The following BRAP variants were observed in gnomAD, a reference collection of about 807,000 sequenced individuals.
The protein encoded by BRAP is BRCA1-associated protein.
Under a neutral mutation model 73.4 loss-of-function variants are expected in BRAP, and 42 were observed. The observed-to-expected ratio is 0.57, with a 90% CI of 0.45 to 0.74. The LOEUF (loss-of-function observed/expected upper bound fraction) is 0.74, where lower values mean the gene tolerates loss of function less well. Ranked by LOEUF, BRAP falls within the 30% of genes least tolerant of loss-of-function variation. The pLI is 0.00. For synonymous variants in BRAP, 255 were observed against 267.4 expected, an observed-to-expected ratio of 0.95 and a Z score of 0.45; for missense variants, 593 against 751.4, an observed-to-expected ratio of 0.79 and a Z score of 2.46.
chr12:111,677,231 C>T (rs987091298), intron 4 of BRAP, among the ~76,000 whole-genome samples: 3 of 152,180 alleles, frequency 2.0e-5, no homozygotes, highest in Non-Finnish European at 4.4e-5. Context: ...TTTCAAAAGC[C>T]TGAGTGCTCT....
chr12:111,654,248 T>C (rs1454674113), intron 10 of BRAP, among the ~76,000 whole-genome samples: 1 of 152,206 alleles, frequency 6.6e-6, no homozygotes, highest in Non-Finnish European at 1.5e-5. Context: ...GAAGGGCACA[T>C]GCATTGATTA....
In BRAP at chr12:111,642,345, A is replaced by G. The variant is rs1396835287; in HGVS notation, c.*1854T>C. On this transcript the variant is annotated 3_prime_UTR_variant, in exon 12 of 12. Coordinates refer to ENST00000419234, the MANE Select transcript of BRAP (RefSeq NM_006768.5). ...GTAAGATTTTTTTTTTTTCTGGGAC[A>G]TATTTTTTGTAAACCTCCAAGTAGT... 6.7e-6 allele frequency: 1 copy of G among 150,274 alleles called. No individual in the cohort carries two copies. Among genetic ancestry groups the G allele is most frequent in the Non-Finnish European group, 1.5e-5 (1 of 67,662 alleles). The allele number at this position is 150,274 out of a possible 1,614,324, so 9.3% of individuals were successfully genotyped here.
intron 7 of BRAP, among the ~76,000 whole-genome samples, chr12:111,659,797 G>A (rs907725214): frequency 1.3e-5 from 2 of 152,080 alleles, no homozygotes; most frequent in African/African-American, 4.8e-5. Flanking sequence ...CAGGAGTATC[G>A]CTTGAGCCTA....
chr12:111,667,117 G>C (rs1886974621), intron 5 of BRAP, among the ~76,000 whole-genome samples: 1 of 152,100 alleles, frequency 6.6e-6, no homozygotes, highest in Non-Finnish European at 1.5e-5. Context: ...TTAAATTCAT[G>C]TATTTTGATA....
At chr12:111,676,777 C>T (rs925252874) in intron 4 of BRAP, among the ~76,000 whole-genome samples, 8 of 152,088 alleles carry the variant, frequency 5.3e-5, no homozygotes, top group Admixed American at 6.6e-5. Flanking sequence ...GCACAGGGTC[C>T]GGTCTCTAGT....
At chr12:111,651,051 C>T (rs975531172) in intron 10 of BRAP, among the ~76,000 whole-genome samples, 1 of 152,082 alleles carries the variant, frequency 6.6e-6, no homozygotes, top group African/African-American at 2.4e-5. Context: ...CTAAGGACAC[C>T]AGCAAAAGAT....
In BRAP at chr12:111,659,209, C is replaced by G; in HGVS notation, c.1109G>C (p.Gly370Ala). Residue 370 changes from glycine (G) to alanine (A), a missense_variant and splice_region_variant, in exon 8 of 12, where the codon GGA (glycine) becomes GCA (alanine). By Grantham distance (60) the Gly-to-Ala change is moderately conservative (BLOSUM62 0). Around this residue, in one of 4 missense-constraint regions of BRAP, gnomAD observed 67 missense variants for 158.0 expected, o/e 0.42. Transcript: ENST00000419234. Reference sequence around the variant, plus strand: ...TTAGAAAAGAGAGTGGTATTCACCTCCAGCATAGTCCCAGACTCGATGGTT... The same window carrying G: ...TTAGAAAAGAGAGTGGTATTCACCTGCAGCATAGTCCCAGACTCGATGGTT... ...LTNHRVWDYA[G>A]DNYVHRLVAS... The G allele has an allele frequency of 1.2e-6, 2 of 1,613,754 alleles. No homozygotes were observed. The highest frequency in any genetic ancestry group is 1.7e-6 in the Non-Finnish European group (2 of 1,179,854).
intron 5 of BRAP, chr12:111,669,849 TTTAA>T (rs1462513508): frequency 1.6e-6 from 1 of 628,616 alleles, no homozygotes. Context: ...CAAAACATCG[TTTAA>T]TTGTCTTGGT....
At chr12:111,682,071 A>C (rs941324651) in intron 2 of BRAP, among the ~76,000 whole-genome samples, 1 of 152,240 alleles carries the variant, frequency 6.6e-6, no homozygotes, top group Non-Finnish European at 1.5e-5. Context: ...TGGCTATTAC[A>C]TTTGGCAATA....
intron 5 of BRAP, among the ~76,000 whole-genome samples, chr12:111,671,917 C>A (rs1171161139): frequency 6.6e-6 from 1 of 152,056 alleles, no homozygotes; most frequent in Non-Finnish European, 1.5e-5. Context: ...AATTCCTACA[C>A]TCAAGCAATC....
In BRAP at chr12:111,681,751, C is replaced by T. The variant is rs768730554; in HGVS notation, c.329G>A (p.Cys110Tyr). 4 of 1,614,096 alleles carry T rather than the reference C, an allele frequency of 2.5e-6. No individual in the cohort carries two copies. The South Asian group carries it at 3.3e-5, about 13-fold the overall frequency. Residue 110 changes from cysteine (C) to tyrosine (Y), a missense_variant, in exon 3 of 12, where the codon TGC becomes TAC. Physicochemically the swap from Cys to Tyr is radical, Grantham distance 194. Around this residue, in one of 4 missense-constraint regions of BRAP, gnomAD observed 304 missense variants for 337.7 expected, o/e 0.90. Coordinates refer to ENST00000419234, the MANE Select transcript of BRAP (RefSeq NM_006768.5). ...AQRSKDHSKECINAAPDSPSK... is the reference protein window; with the variant it reads ...AQRSKDHSKEYINAAPDSPSK... ...CGGAGAATCTGGGGCAGCGTTTATG[C>T]ATTCCTTACTGTGATCTTTACTTCT...
In BRAP at chr12:111,642,418, G is replaced by A. The variant is rs1190818287; in HGVS notation, c.*1781C>T. On this transcript the variant is annotated 3_prime_UTR_variant, in exon 12 of 12. Coordinates refer to ENST00000419234, the MANE Select transcript of BRAP (RefSeq NM_006768.5). ...TCATTCCTCTGGGCACAGCCTTTCA[G>A]AGCATTTATCCCACCTGTACTGAAA... 1 of 151,778 alleles carries A rather than the reference G, an allele frequency of 6.6e-6. No homozygotes were observed. 9.4% of individuals were successfully genotyped at this position (151,778 alleles called of 1,614,324 possible).
At chr12:111,658,919 A>ATT in intron 8 of BRAP, 74 bp from the exon 9 acceptor site, 1 of 1,209,362 alleles carries the variant, frequency 8.3e-7, no homozygotes, top group Non-Finnish European at 1.2e-6. Flanking sequence ...CTCTGACAAA[A>ATT]TTTTTTTTTC....
intron 6 of BRAP, among the ~76,000 whole-genome samples, chr12:111,661,228 T>C (rs1886740642): frequency 6.6e-6 from 1 of 151,904 alleles, no homozygotes; most frequent in African/African-American, 2.4e-5. Flanking sequence ...TCCACTGGCC[T>C]TGGCCTCCCA....
intron 11 of BRAP, among the ~76,000 whole-genome samples, chr12:111,645,547 G>A (rs1241457291): frequency 6.6e-6 from 1 of 152,156 alleles, no homozygotes; most frequent in Non-Finnish European, 1.5e-5. Context: ...CATTCTTGGA[G>A]AGTCAAGTAC....
At chr12:111,653,683 T>C (rs1201844398) in intron 10 of BRAP, among the ~76,000 whole-genome samples, 1 of 152,126 alleles carries the variant, frequency 6.6e-6, no homozygotes, top group Admixed American at 6.6e-5. Flanking sequence ...AACAAGAATC[T>C]CTGTCAGTGA....
intron 6 of BRAP, among the ~76,000 whole-genome samples, chr12:111,662,140 C>T (rs1886780053): frequency 1.3e-5 from 2 of 152,142 alleles, no homozygotes; most frequent in Admixed American, 1.3e-4. Flanking sequence ...TATTATACTC[C>T]ACACAAAATA....
Sources: allele counts gnomAD v4.1 joint callset (sites outside exome capture counted in the v4.1 genomes callset), GRCh38; gene constraint gnomAD v4.1.1; regional missense constraint gnomAD v4.1.1; transcripts MANE v1.5; gene names NCBI Gene and HGNC (gene_info 2026-07-23, HGNC 2026-07-21).